The following KIAA1958 variants were observed in gnomAD, a reference collection of about 807,000 sequenced individuals.
The protein encoded by KIAA1958 is KIAA1958.
In KIAA1958, 14 loss-of-function variants were observed where a neutral mutation model predicts 47.2. The ratio of observed to expected loss-of-function variants is 0.30; its 90% CI spans 0.20 to 0.46. KIAA1958 has a LOEUF of 0.46. Among genes scored for constraint, KIAA1958 ranks in the 20% least tolerant of loss-of-function variants. The pLI is 1.00. For synonymous variants in KIAA1958, 354 were observed against 353.3 expected, an observed-to-expected ratio of 1.00 and a Z score of -0.02; for missense variants, 803 against 909.2, an observed-to-expected ratio of 0.88 and a Z score of 1.50.
intron 1 of KIAA1958, among the ~76,000 whole-genome samples, chr9:112,563,901 C>T (rs1284815501): frequency 6.6e-6 from 1 of 151,956 alleles, no homozygotes; most frequent in African/African-American, 2.4e-5. Flanking sequence ...GAATTCCCTA[C>T]CATTATTAGT....
intron 2 of KIAA1958, chr9:112,617,951 T>C (rs1205577746): frequency 6.4e-7 from 1 of 1,550,464 alleles, no homozygotes; most frequent in Non-Finnish European, 8.7e-7. Context: ...GCTCCGCAAT[T>C]TCCGTGAGTT....
At position 112,665,990 on chromosome 9, in the gene KIAA1958, T is replaced by TC. The variant is rs1491415949; in HGVS notation, c.*5921_*5922insC. On this transcript the variant is annotated 3_prime_UTR_variant, in exon 4 of 4. Coordinates refer to ENST00000337530, the MANE Select transcript of KIAA1958 (RefSeq NM_133465.4). ...TAGCACTGTCATAGAAAAATATACCTTTTTTTTTTTTTGAGACTCAGGAGT... is the reference window on the plus strand; with the variant it reads ...TAGCACTGTCATAGAAAAATATACCTCTTTTTTTTTTTTGAGACTCAGGAGT... 1 of 119,532 alleles carries TC rather than the reference T, an allele frequency of 8.4e-6. No individual in the cohort carries two copies. The highest frequency in any genetic ancestry group is 2.7e-4 in the East Asian group (1 of 3,742). 7.4% of individuals were successfully genotyped at this position (119,532 alleles called of 1,614,324 possible).
At chr9:112,620,517 C>T (rs1836485010) in intron 2 of KIAA1958, among the ~76,000 whole-genome samples, 1 of 152,196 alleles carries the variant, frequency 6.6e-6, no homozygotes, top group African/African-American at 2.4e-5. Flanking sequence ...ACATAAAGAC[C>T]CGTTCCTCTA....
intron 1 of KIAA1958, 128 bp downstream of exon 1, chr9:112,487,246 G>A (rs1290949936): frequency 5.8e-6 from 1 of 171,684 alleles, no homozygotes; most frequent in Non-Finnish European, 1.2e-5. Context: ...GCCGCGCGGT[G>A]ACCCGGCTGA....
chr9:112,574,679 T>A lies in KIAA1958; in HGVS notation c.599T>A (p.Ile200Asn). ...GACGAATGCAGCAATGATGTCATCA[T>A]CAAGAAAATCAAACAAGAAATCCCC... ...MVDECSNDVI[I>N]KKIKQEIPED... Residue 200 changes from isoleucine (I) to asparagine (N), a missense_variant, in exon 2 of 4, where the codon ATC becomes AAC. By Grantham distance (149) the Ile-to-Asn change is moderately radical. This residue lies in a region of KIAA1958 where 761 missense variants were observed against 829.3 expected (regional missense o/e 0.92). Coordinates refer to ENST00000337530, the MANE Select transcript of KIAA1958 (RefSeq NM_133465.4). 6.2e-7 allele frequency: 1 copy of A among 1,614,118 alleles called. No homozygotes were observed. The highest frequency in any genetic ancestry group is 8.5e-7 in the Non-Finnish European group (1 of 1,180,024).
rs191400697 is a variant in KIAA1958 at position 112,493,819 on chromosome 9, T to C, written c.-25+6701T>C. Among the ~76,000 whole-genome samples, 540 of 152,342 alleles carry C rather than the reference T, an allele frequency of 3.5e-3. 3 individuals are homozygous for C. Among genetic ancestry groups the C allele is most frequent in the African/African-American group, 0.012 (505 of 41,578 alleles). On this transcript the variant is annotated intron_variant, in intron 1 of 3. Transcript: ENST00000337530. ...AAAAATACTTGACTCACATTTTTTT[T>C]CCCCTCAACTATCTTTAAAAATGTT...
At chr9:112,563,552 G>T (rs1835374990) in intron 1 of KIAA1958, among the ~76,000 whole-genome samples, 1 of 151,220 alleles carries the variant, frequency 6.6e-6, no homozygotes, top group African/African-American at 2.4e-5. Context: ...AAATAATTGA[G>T]CTCTTAATAT....
intron 2 of KIAA1958, among the ~76,000 whole-genome samples, chr9:112,599,240 A>G (rs1328915806): frequency 6.6e-6 from 1 of 152,104 alleles, no homozygotes; most frequent in Non-Finnish European, 1.5e-5. Flanking sequence ...TATTGCTTTT[A>G]TGATAAAACT....
chr9:112,644,041 A>G lies in KIAA1958; in HGVS notation c.1172-1609A>G, dbSNP rs141448225. ...AAAAATACAAAAATTAGCCGGGCGTAGTGGTGGTCACCAGGAGTCGCAGCT... is the reference window on the plus strand; with the variant it reads ...AAAAATACAAAAATTAGCCGGGCGTGGTGGTGGTCACCAGGAGTCGCAGCT... On this transcript the variant is annotated intron_variant, in intron 2 of 3. Coordinates refer to ENST00000337530, the MANE Select transcript of KIAA1958 (RefSeq NM_133465.4). 3.3e-3 allele frequency among the ~76,000 whole-genome samples: 496 copies of G among 152,018 alleles called. 5 individuals are homozygous for G. The highest frequency in any genetic ancestry group is 0.011 in the African/African-American group (466 of 41,474).
chr9:112,542,876 A>G (rs1191117542), intron 1 of KIAA1958, among the ~76,000 whole-genome samples: 1 of 152,240 alleles, frequency 6.6e-6, no homozygotes, highest in Non-Finnish European at 1.5e-5. Flanking sequence ...TTTAAGGACC[A>G]CAGGTGCTCA....
At chr9:112,638,210 G>T (rs1255819697) in intron 2 of KIAA1958, among the ~76,000 whole-genome samples, 1 of 152,044 alleles carries the variant, frequency 6.6e-6, no homozygotes, top group Non-Finnish European at 1.5e-5. Context: ...AGTTGAAAAA[G>T]AAAAATAAAG....
chr9:112,665,502 C>T lies in KIAA1958; in HGVS notation c.*5433C>T, dbSNP rs566785830. On this transcript the variant is annotated 3_prime_UTR_variant, in exon 4 of 4. Transcript: ENST00000337530. ...AAGTTGGAGAATGCAGGTTTTCTGA[C>T]TCCAAATCTAGTGCTCAGTCCATGA... is the stretch of plus-strand genomic sequence containing the variant. The T allele has an allele frequency of 6.6e-6, 1 of 152,322 alleles. No homozygotes were observed. Among genetic ancestry groups the T allele is most frequent in the Admixed American group, 6.5e-5 (1 of 15,298 alleles). The allele number at this position is 152,322 out of a possible 1,614,324, so 9.4% of individuals were successfully genotyped here.
intron 1 of KIAA1958, among the ~76,000 whole-genome samples, chr9:112,569,980 G>A (rs140489829): frequency 1.3e-5 from 2 of 152,206 alleles, no homozygotes; most frequent in African/African-American, 4.8e-5. Context: ...ATAATTGAGT[G>A]GATAAGTTCT....
chr9:112,606,681 A>G (rs1836242058), intron 2 of KIAA1958, among the ~76,000 whole-genome samples: 1 of 152,214 alleles, frequency 6.6e-6, no homozygotes, highest in African/African-American at 2.4e-5. Context: ...ATTTCTTACC[A>G]TGTACATTCA....
chr9:112,595,862 C>A (rs1386065264), intron 2 of KIAA1958, among the ~76,000 whole-genome samples: 1 of 151,500 alleles, frequency 6.6e-6, no homozygotes, highest in Non-Finnish European at 1.5e-5. Flanking sequence ...CTCGGCTCAC[C>A]GCAACGTCCG....
At chr9:112,605,091 A>G (rs538945089) in intron 2 of KIAA1958, among the ~76,000 whole-genome samples, 2 of 149,512 alleles carry the variant, frequency 1.3e-5, no homozygotes, top group East Asian at 1.9e-4. Context: ...ATATTTAGAG[A>G]GAGAGAGAAG....
Position 112,494,450 on chromosome 9 carries a change from G to A in KIAA1958, c.-25+7332G>A, listed in dbSNP as rs558882434. On this transcript the variant is annotated intron_variant, in intron 1 of 3. Transcript: ENST00000337530. The stretch of plus-strand genomic sequence containing the variant: ...ATGTTTTTTTCTATTTTATGCTTTA[G>A]TGTGTTCAATGTATTTTTCATGGTA... 2.7e-5 allele frequency among the ~76,000 whole-genome samples: 4 copies of A among 148,700 alleles called. No homozygotes were observed. In the South Asian group the frequency reaches 6.4e-4, roughly 24 times the overall value.
At chr9:112,545,030 T>C (rs1835004582) in intron 1 of KIAA1958, among the ~76,000 whole-genome samples, 1 of 152,206 alleles carries the variant, frequency 6.6e-6, no homozygotes, top group African/African-American at 2.4e-5. Context: ...AGTTCATTAA[T>C]GTGAGGGCTC....
At chr9:112,530,003 C>G (rs1263288071) in intron 1 of KIAA1958, among the ~76,000 whole-genome samples, 2 of 152,074 alleles carry the variant, frequency 1.3e-5, no homozygotes, top group African/African-American at 2.4e-5. Context: ...GCCACCACGC[C>G]CAGCTAATTT....
Sources: gnomAD v4.1 joint callset for allele counts (sites outside exome capture counted in the v4.1 genomes callset) on GRCh38, gnomAD v4.1.1 for gene constraint, gnomAD v4.1.1 regional missense constraint, MANE v1.5 for transcripts, NCBI Gene and HGNC (gene_info 2026-07-23, HGNC 2026-07-21) for gene names.